Variants in MAD1L1 observed in about 807,000 individuals in gnomAD.
The protein encoded by MAD1L1 is mitotic arrest deficient 1 like 1, also known as mitotic spindle assembly checkpoint protein MAD1.
A neutral mutation model predicts 96.9 loss-of-function variants in MAD1L1; 95 were observed. That is an observed-to-expected ratio of 0.98 (90% CI 0.83 to 1.16). The LOEUF (loss-of-function observed/expected upper bound fraction) is 1.16, where lower values mean the gene tolerates loss of function less well. MAD1L1 is among the 50% of genes most tolerant of loss of function. MAD1L1 has a pLI of 0.00. For missense variants in MAD1L1, 1,007 were observed against 954.4 expected, an observed-to-expected ratio of 1.06 and a Z score of -0.73; for synonymous variants, 473 against 396.6, an observed-to-expected ratio of 1.19 and a Z score of -2.29.
rs747221108 is a variant in MAD1L1 at position 1,957,710 on chromosome 7, G to A, written c.1515C>T (p.Val505=). The A allele has an allele frequency of 3.8e-5, 62 of 1,613,970 alleles. No homozygotes were observed. The highest frequency in any genetic ancestry group is 2.5e-4 in the South Asian group (23 of 91,084). ...GACTCCGCTCGCCTTCCAGCTCCTC[G>A]ACCTTCAACCTGCAAGGACAGCAAG... ...REEADTLRLK[V]EELEGERSRL... Residue 505 remains valine (V), a synonymous_variant, in exon 16 of 19, where the codon GTC becomes GTT. Transcript: ENST00000265854.
chr7:2,118,447 C>T lies in MAD1L1; in HGVS notation c.1073+30705G>A, dbSNP rs141819563. 2.4e-3 allele frequency among the ~76,000 whole-genome samples: 373 copies of T among 152,364 alleles called. 1 individual carries two copies. Among genetic ancestry groups the T allele is most frequent in the Non-Finnish European group, 3.8e-3 (261 of 68,028 alleles). ...AGCCCTGAGTGGTGTGTCAGAGCCA[C>T]GGGAGCTTGGCCGTGTGGGCGCGGT... On this transcript the variant is annotated intron_variant, in intron 11 of 18. Coordinates refer to ENST00000265854, the MANE Select transcript of MAD1L1 (RefSeq NM_001013836.2).
intron 11 of MAD1L1, among the ~76,000 whole-genome samples, chr7:2,081,688 AG>A (rs1785656037): frequency 6.6e-6 from 1 of 152,230 alleles, no homozygotes; most frequent in South Asian, 2.1e-4. Context: ...TCACTGTTCC[AG>A]CCCCCGTGGT....
chr7:1,957,114 C>T (rs1159615291), intron 16 of MAD1L1, among the ~76,000 whole-genome samples: 2 of 152,226 alleles, frequency 1.3e-5, no homozygotes, highest in Admixed American at 6.5e-5. Context: ...CAGGCCAGCG[C>T]GGCTCGGAGC....
At chr7:2,204,706 T>C (rs901278721) in intron 10 of MAD1L1, among the ~76,000 whole-genome samples, 1 of 152,208 alleles carries the variant, frequency 6.6e-6, no homozygotes, top group Non-Finnish European at 1.5e-5. Context: ...GGCACCTGAG[T>C]TGTTCCTGCT....
intron 10 of MAD1L1, among the ~76,000 whole-genome samples, chr7:2,164,569 A>C (rs1328486802): frequency 7.3e-6 from 1 of 137,600 alleles, no homozygotes; most frequent in Non-Finnish European, 1.6e-5. Flanking sequence ...CAGAGTCTAA[A>C]ACCACACTAA....
chr7:1,844,550 G>T (rs913252692), intron 18 of MAD1L1, among the ~76,000 whole-genome samples: 1 of 152,160 alleles, frequency 6.6e-6, no homozygotes, highest in Non-Finnish European at 1.5e-5. Flanking sequence ...GCAGGCAGGG[G>T]ACGCAGCTTG....
In MAD1L1 at chr7:2,171,232, A is replaced by G. The variant is rs79543217; in HGVS notation, c.987-21994T>C. 4.2e-3 allele frequency among the ~76,000 whole-genome samples: 644 copies of G among 152,338 alleles called. 9 individuals are homozygous for G. The highest frequency in any genetic ancestry group is 0.013 in the African/African-American group (540 of 41,572). Reference sequence around the variant, plus strand: ...GCGAAGGGCACTCTCATTCTCCCCAATTTAAAGATGAAAACATGGGTGCAG... The same window carrying G: ...GCGAAGGGCACTCTCATTCTCCCCAGTTTAAAGATGAAAACATGGGTGCAG... On this transcript the variant is annotated intron_variant, in intron 10 of 18. Coordinates refer to ENST00000265854, the MANE Select transcript of MAD1L1 (RefSeq NM_001013836.2).
chr7:1,837,223 T>A (rs1403662035), intron 18 of MAD1L1, among the ~76,000 whole-genome samples: 1 of 152,226 alleles, frequency 6.6e-6, no homozygotes, highest in Admixed American at 6.5e-5. Flanking sequence ...TCATTCGTCA[T>A]GAGGAAAATG....
intron 3 of MAD1L1, among the ~76,000 whole-genome samples, chr7:2,228,411 C>A (rs1204454423): frequency 1.3e-5 from 2 of 152,070 alleles, no homozygotes; most frequent in Non-Finnish European, 2.9e-5. Flanking sequence ...GGTGCCCACA[C>A]CCGCCTAATT....
intron 17 of MAD1L1, among the ~76,000 whole-genome samples, chr7:1,921,490 G>A (rs1193858818): frequency 2.0e-5 from 3 of 152,088 alleles, no homozygotes; most frequent in East Asian, 3.9e-4. Flanking sequence ...CACGCCTGGC[G>A]TTTTGTGTTT....
At chr7:2,153,735 T>C (rs995360382) in intron 10 of MAD1L1, among the ~76,000 whole-genome samples, 1 of 152,230 alleles carries the variant, frequency 6.6e-6, no homozygotes, top group Non-Finnish European at 1.5e-5. Context: ...ATCAAAAAGA[T>C]ACCTGCATTC....
intron 5 of MAD1L1, among the ~76,000 whole-genome samples, chr7:2,220,079 C>T (rs1793513381): frequency 6.6e-6 from 1 of 152,248 alleles, no homozygotes. Context: ...CACCCCAATG[C>T]TACCATGACG....
At chr7:2,159,984 T>C (rs1790024278) in intron 10 of MAD1L1, among the ~76,000 whole-genome samples, 1 of 152,048 alleles carries the variant, frequency 6.6e-6, no homozygotes, top group Non-Finnish European at 1.5e-5. Flanking sequence ...TCCCAGCACT[T>C]TGGGAGGCAG....
chr7:2,183,974 G>C (rs1025780350), intron 10 of MAD1L1, among the ~76,000 whole-genome samples: 5 of 152,080 alleles, frequency 3.3e-5, no homozygotes, highest in Admixed American at 1.3e-4. Context: ...AACTCAGCCG[G>C]GCGCAGTGGC....
At chr7:1,916,690 G>A (rs1788420506) in intron 17 of MAD1L1, among the ~76,000 whole-genome samples, 2 of 152,134 alleles carry the variant, frequency 1.3e-5, no homozygotes, top group African/African-American at 4.8e-5. Context: ...ATGAATTCGT[G>A]TCCATGCCCT....
At position 1,961,910 on chromosome 7, in the gene MAD1L1, GT is replaced by G. The variant is rs558998405; in HGVS notation, c.1506-4192del. Among the ~76,000 whole-genome samples the G allele has an allele frequency of 8.7e-4, 131 of 150,606 alleles. 1 individual carries two copies. Among genetic ancestry groups the G allele is most frequent in the African/African-American group, 3.1e-3 (127 of 41,322 alleles). On this transcript the variant is annotated intron_variant, in intron 15 of 18. Transcript: ENST00000265854. ...GTGGGAGATAATGAATCACAGGGCG[GT>G]TTCCCCCATACCATTCTCGTGTGTT...
chr7:2,159,810 T>C (rs1240793495), intron 10 of MAD1L1, among the ~76,000 whole-genome samples: 1 of 152,188 alleles, frequency 6.6e-6, no homozygotes, highest in Admixed American at 6.5e-5. Flanking sequence ...TTTTCCTATA[T>C]TAACATGAAA....
At chr7:2,199,103 G>A (rs947814577) in intron 10 of MAD1L1, among the ~76,000 whole-genome samples, 5 of 152,214 alleles carry the variant, frequency 3.3e-5, no homozygotes, top group Admixed American at 6.5e-5. Flanking sequence ...AGAAAGATGC[G>A]CAACTCCAGC....
chr7:2,104,924 C>T (rs1787010665), intron 11 of MAD1L1, among the ~76,000 whole-genome samples: 1 of 152,176 alleles, frequency 6.6e-6, no homozygotes, highest in African/African-American at 2.4e-5. Flanking sequence ...GGACTCTTTC[C>T]GGAGCTCAGG....
Sources: gnomAD v4.1 joint callset for allele counts (sites outside exome capture counted in the v4.1 genomes callset) on GRCh38, gnomAD v4.1.1 for gene constraint, MANE v1.5 for transcripts, NCBI Gene and HGNC (gene_info 2026-07-23, HGNC 2026-07-21) for gene names.